Variants in TBCK observed in about 807,000 individuals in gnomAD.
The protein encoded by TBCK is TBC domain-containing protein kinase-like protein.
TBCK carries 99 observed loss-of-function variants against 113.4 expected under a neutral mutation model. The ratio of observed to expected loss-of-function variants is 0.87; its 90% CI spans 0.74 to 1.03. The LOEUF is 1.03. Among genes scored for constraint, TBCK ranks in the 50% least tolerant of loss-of-function variants. The pLI, the probability that TBCK is intolerant of heterozygous loss-of-function variation, is 0.00. For missense variants in TBCK, 1,045 were observed against 1,061.3 expected, an observed-to-expected ratio of 0.98 and a Z score of 0.21; for synonymous variants, 369 against 370.8, an observed-to-expected ratio of 1.00 and a Z score of 0.05.
chr4:106,117,638 T>C (rs1743692687), intron 23 of TBCK, among the ~76,000 whole-genome samples: 1 of 152,180 alleles, frequency 6.6e-6, no homozygotes, highest in Non-Finnish European at 1.5e-5. Context: ...GGCAATGCAA[T>C]ACAACACAAC....
At chr4:106,167,429 A>T (rs1031135257) in intron 23 of TBCK, among the ~76,000 whole-genome samples, 1 of 151,382 alleles carries the variant, frequency 6.6e-6, no homozygotes, top group Non-Finnish European at 1.5e-5. Flanking sequence ...TATTAGAAAT[A>T]AGGGAAGTTC....
chr4:106,242,598 T>A, intron 11 of TBCK, 29 bp from the exon 12 acceptor site: 2 of 1,358,496 alleles, frequency 1.5e-6, no homozygotes, highest in Non-Finnish European at 2.1e-6. Flanking sequence ...AAATAATATG[T>A]ACACAAAATC....
At position 106,135,714 on chromosome 4, in the gene TBCK, T is replaced by A. The variant is rs1468981704; in HGVS notation, c.2236-19336A>T. On this transcript the variant is annotated intron_variant, in intron 23 of 25. Transcript: ENST00000394708. ...TTACTGAATACCTATTAGGTACCACTCACGGTACTTGGGATATTTCAATTA... is the reference window on the plus strand; with the variant it reads ...TTACTGAATACCTATTAGGTACCACACACGGTACTTGGGATATTTCAATTA... Among the ~76,000 whole-genome samples, 4 of 141,804 alleles carry A rather than the reference T, an allele frequency of 2.8e-5. 1 individual carries two copies. The highest frequency in any genetic ancestry group is 1.0e-4 in the African/African-American group (4 of 40,158). The allele number at this position is 141,804 out of a possible 152,430, so 93.0% of individuals were successfully genotyped here.
At chr4:106,195,490 GTT>G (rs1491260924) in intron 20 of TBCK, among the ~76,000 whole-genome samples, 66 of 151,128 alleles carry the variant, frequency 4.4e-4, no homozygotes, top group African/African-American at 1.3e-3. Context: ...AAATGTGTGT[GTT>G]TGTGTGTGTG....
At chr4:106,284,017 C>T (rs556366997) in intron 3 of TBCK, among the ~76,000 whole-genome samples, 71 of 152,206 alleles carry the variant, frequency 4.7e-4, no homozygotes, top group African/African-American at 1.6e-3. Flanking sequence ...ATATAAGGTA[C>T]AAGAGAGGCA....
chr4:106,295,515 G>C (rs1266535043), intron 2 of TBCK, among the ~76,000 whole-genome samples: 2 of 152,076 alleles, frequency 1.3e-5, no homozygotes, highest in Non-Finnish European at 2.9e-5. Context: ...AAAGAATTTT[G>C]AAAGAAGGGA....
intron 19 of TBCK, among the ~76,000 whole-genome samples, chr4:106,225,866 T>TAAA (rs975440340): frequency 6.6e-6 from 1 of 152,076 alleles, no homozygotes; most frequent in African/African-American, 2.4e-5. Flanking sequence ...GTATGCCTTT[T>TAAA]AAAAGTGTGT....
At chr4:106,147,598 T>C (rs1166450881) in intron 23 of TBCK, among the ~76,000 whole-genome samples, 1 of 152,172 alleles carries the variant, frequency 6.6e-6, no homozygotes, top group Non-Finnish European at 1.5e-5. Flanking sequence ...TGGACACTTA[T>C]CACTTCCCCA....
At chr4:106,208,693 C>T (rs73838154) in intron 20 of TBCK, among the ~76,000 whole-genome samples, 2,783 of 152,200 alleles carry the variant, frequency 0.018, 80 homozygotes, top group African/African-American at 0.061. Context: ...ACCCACCAAA[C>T]GGCAAGTGCA....
In TBCK at chr4:106,105,338, C is replaced by CA. The variant is rs574533743; in HGVS notation, c.2412-9698dup. 6.4e-4 allele frequency among the ~76,000 whole-genome samples: 96 copies of CA among 150,774 alleles called. No individual in the cohort carries two copies. In the South Asian group the frequency reaches 9.4e-3, roughly 15 times the overall value. ...TCTCTGGGGCGGAGCCCCCAGGAGTCAAAAAAAAATGACCCTTGGCCACAA... is the reference window on the plus strand; with the variant it reads ...TCTCTGGGGCGGAGCCCCCAGGAGTCAAAAAAAAAATGACCCTTGGCCACAA... On this transcript the variant is annotated intron_variant, in intron 24 of 25. Transcript: ENST00000394708.
intron 22 of TBCK, among the ~76,000 whole-genome samples, chr4:106,177,370 G>A (rs926334868): frequency 6.6e-6 from 1 of 151,744 alleles, no homozygotes; most frequent in Non-Finnish European, 1.5e-5. Context: ...TTTGGCTTTG[G>A]TTGCCTGTGT....
At chr4:106,104,668 G>T (rs1741936100) in intron 24 of TBCK, among the ~76,000 whole-genome samples, 1 of 152,170 alleles carries the variant, frequency 6.6e-6, no homozygotes. Context: ...TTTTTAAGCG[G>T]GTTCTGATCC....
rs945252937 is a variant in TBCK at position 106,042,864 on chromosome 4, T to G, written c.*3706A>C. The G allele has an allele frequency of 6.6e-6, 1 of 152,202 alleles. No homozygotes were observed. The highest frequency in any genetic ancestry group is 1.5e-5 in the Non-Finnish European group (1 of 68,048). 9.4% of individuals were successfully genotyped at this position (152,202 alleles called of 1,614,324 possible). On this transcript the variant is annotated 3_prime_UTR_variant, in exon 26 of 26. Transcript: ENST00000394708. Reference sequence around the variant, plus strand: ...AACTCTGTCTGTAACAGATTTTTCTTCCTTCATCAAGAATAACCAGGCCAA... The same window carrying G: ...AACTCTGTCTGTAACAGATTTTTCTGCCTTCATCAAGAATAACCAGGCCAA...
In TBCK at chr4:106,295,244, G is replaced by T. The variant is rs148350284; in HGVS notation, c.194-78C>A. 1,474 of 1,219,256 alleles carry T rather than the reference G, an allele frequency of 1.2e-3. 35 individuals carry two copies. The East Asian group carries it at 0.033, about 28-fold the overall frequency. 75.5% of individuals were successfully genotyped at this position (1,219,256 alleles called of 1,614,324 possible). On this transcript the variant is annotated intron_variant, in intron 2 of 25. Coordinates refer to ENST00000394708, the MANE Select transcript of TBCK (RefSeq NM_001163435.3). Reference sequence around the variant, plus strand: ...AAACAAAATAATACTCTCCACTGATGATATTAATATATAACACCCATAACA... The same window carrying T: ...AAACAAAATAATACTCTCCACTGATTATATTAATATATAACACCCATAACA...
intron 23 of TBCK, among the ~76,000 whole-genome samples, chr4:106,133,883 G>A (rs2149629624): frequency 6.6e-6 from 1 of 152,224 alleles, no homozygotes; most frequent in Middle Eastern, 3.4e-3. Flanking sequence ...GGTGGTGGGT[G>A]CCTGTAATAC....
At chr4:106,096,312 T>C (rs745527572) in intron 24 of TBCK, among the ~76,000 whole-genome samples, 1 of 152,236 alleles carries the variant, frequency 6.6e-6, no homozygotes, top group African/African-American at 2.4e-5. Context: ...AAACTGAAAG[T>C]ACTTTTATTT....
chr4:106,063,646 C>A (rs1050543985), intron 25 of TBCK, among the ~76,000 whole-genome samples: 1 of 151,850 alleles, frequency 6.6e-6, no homozygotes, highest in East Asian at 1.9e-4. Context: ...ATGTTTGTGT[C>A]TTCCCCAAAT....
At chr4:106,237,153 T>C (rs1465849297) in intron 12 of TBCK, among the ~76,000 whole-genome samples, 1 of 152,024 alleles carries the variant, frequency 6.6e-6, no homozygotes, top group Non-Finnish European at 1.5e-5. Flanking sequence ...TGAAGAAAGA[T>C]GATTAAAAAG....
intron 2 of TBCK, among the ~76,000 whole-genome samples, chr4:106,306,376 T>C (rs1767528079): frequency 1.3e-5 from 2 of 151,430 alleles, no homozygotes. Flanking sequence ...TGGGCCACCA[T>C]GCTTGGCCTT....
Sources: gnomAD v4.1 joint callset for allele counts (sites outside exome capture counted in the v4.1 genomes callset) on GRCh38, gnomAD v4.1.1 for gene constraint, MANE v1.5 for transcripts, NCBI Gene and HGNC (gene_info 2026-07-23, HGNC 2026-07-21) for gene names.